DMD: variants seen among roughly 807,000 people sequenced by gnomAD.
DMD encodes dystrophin, also known as mutant dystrophin.
Under a neutral mutation model 330.1 loss-of-function variants are expected in DMD, and 63 were observed. The ratio of observed to expected loss-of-function variants is 0.19; its 90% CI spans 0.16 to 0.24. The LOEUF (loss-of-function observed/expected upper bound fraction) is 0.24. Ranked by LOEUF, DMD falls within the 10% of genes least tolerant of loss-of-function variation. The pLI is 1.00. For synonymous variants in DMD, 1,223 were observed against 959.8 expected (o/e 1.27, Z -5.07); for missense variants, 3,344 against 2,684.1 (o/e 1.25, Z -5.43).
intron 2 of DMD, among the ~76,000 whole-genome samples, chrX:32,871,294 C>G (rs939258645): frequency 9.0e-6 from 1 of 111,203 alleles, no homozygotes; most frequent in African/African-American, 3.3e-5. Context: ...ACAAACTCTC[C>G]TTACTTAGAA....
At chrX:32,985,541 T>C (rs1449021145) in intron 2 of DMD, among the ~76,000 whole-genome samples, 1 of 111,722 alleles carries the variant, frequency 9.0e-6, no homozygotes, top group Non-Finnish European at 1.9e-5. Flanking sequence ...AAAAATCATA[T>C]TTAGAATCCA....
intron 1 of DMD, among the ~76,000 whole-genome samples, chrX:33,267,602 T>G (rs1043164626): frequency 1.8e-5 from 2 of 111,309 alleles, no homozygotes; most frequent in Non-Finnish European, 1.9e-5. Context: ...ACTACAGTAC[T>G]TCACCCTACA....
chrX:31,264,143 A>C (rs2050800317), intron 62 of DMD, among the ~76,000 whole-genome samples: 2 of 112,324 alleles, frequency 1.8e-5, no homozygotes, highest in Non-Finnish European at 3.8e-5. Context: ...CCGATTTTAC[A>C]GCTTCGTTTC....
intron 44 of DMD, among the ~76,000 whole-genome samples, chrX:31,984,439 GTTTT>G (rs775882153): frequency 1.8e-5 from 2 of 112,169 alleles, no homozygotes; most frequent in African/African-American, 6.5e-5. Context: ...CTAATTTTCT[GTTTT>G]CTTTTGATAC....
rs185564865 is a variant in DMD, at chrX:31,824,662, A to G, written c.7201-4579T>C. Among the ~76,000 whole-genome samples the G allele has an allele frequency of 7.5e-3, 841 of 111,695 alleles. 7 individuals carry two copies. Among genetic ancestry groups the G allele is most frequent in the African/African-American group, 0.026 (792 of 30,932 alleles). Reference sequence around the variant, plus strand: ...AATATACTTATAAATAATATATTTTAAAAGGATAAAGCAGGAAAGAAACAG... The same window carrying G: ...AATATACTTATAAATAATATATTTTGAAAGGATAAAGCAGGAAAGAAACAG... On this transcript the variant is annotated intron_variant, in intron 49 of 78. Coordinates refer to ENST00000357033, the MANE Select transcript of DMD (RefSeq NM_004006.3).
intron 1 of DMD, among the ~76,000 whole-genome samples, chrX:33,278,049 G>A (rs1327498642): frequency 9.0e-6 from 1 of 111,041 alleles, no homozygotes; most frequent in Non-Finnish European, 1.9e-5. Context: ...AGGCTGCAGT[G>A]AGCTACAATC....
chrX:32,784,714 A>C (rs1276113471), intron 7 of DMD, among the ~76,000 whole-genome samples: 2 of 111,899 alleles, frequency 1.8e-5, no homozygotes, highest in Admixed American at 9.5e-5. Context: ...GGATTTTGGT[A>C]TATTTAAAAT....
At chrX:32,469,374 G>GA (rs1262450319) in intron 22 of DMD, among the ~76,000 whole-genome samples, 45 of 105,522 alleles carry the variant, frequency 4.3e-4, no homozygotes, top group African/African-American at 1.2e-3. Flanking sequence ...GACAAAAATG[G>GA]AAAAAAAAAC....
chrX:31,663,858 CTCAT>C (rs965847812), intron 53 of DMD, among the ~76,000 whole-genome samples: 3 of 111,854 alleles, frequency 2.7e-5, no homozygotes, highest in African/African-American at 9.8e-5. Context: ...CAGATATTCA[CTCAT>C]TATCTCAACT....
chrX:32,566,013 C>G, intron 15 of DMD, 132 bp from the exon 16 acceptor site: 1 of 566,321 alleles, frequency 1.8e-6, no homozygotes, highest in Non-Finnish European at 2.8e-6. Context: ...CGCAAAGGAT[C>G]AAAAGTTCAG....
chrX:33,185,834 A>C (rs757543379), intron 1 of DMD, among the ~76,000 whole-genome samples: 1 of 112,387 alleles, frequency 8.9e-6, no homozygotes, highest in African/African-American at 3.2e-5. Context: ...ATTAAACATT[A>C]GATAAATGGG....
At chrX:32,546,048 T>C (rs1202821203) in intron 16 of DMD, among the ~76,000 whole-genome samples, 3 of 107,303 alleles carry the variant, frequency 2.8e-5, no homozygotes, top group Non-Finnish European at 5.8e-5. Context: ...GAATCTCAAT[T>C]ACCTCCTGTT....
intron 7 of DMD, among the ~76,000 whole-genome samples, chrX:32,775,648 A>G (rs1480210066): frequency 2.7e-5 from 3 of 113,097 alleles, no homozygotes; most frequent in African/African-American, 9.6e-5. Flanking sequence ...GCCAGGTCCC[A>G]AGGCTGCACA....
chrX:33,246,839 C>T (rs1415570498), intron 1 of DMD, among the ~76,000 whole-genome samples: 1 of 109,960 alleles, frequency 9.1e-6, no homozygotes, highest in East Asian at 2.9e-4. Flanking sequence ...GCGCACACCA[C>T]CACCCCCAGC....
Position 31,355,292 on chromosome X carries a change from C to T in DMD, c.9085-6658G>A, listed in dbSNP as rs188536161. Among the ~76,000 whole-genome samples, 376 of 111,704 alleles carry T rather than the reference C, an allele frequency of 3.4e-3. 3 individuals carry two copies. The highest frequency in any genetic ancestry group is 0.012 in the African/African-American group (365 of 30,787). ...GTTTAGGAGAGACAGGCATTACCTC[C>T]CCATGTGGAAATACACTGCTAGGCA... is the stretch of plus-strand genomic sequence containing the variant. On this transcript the variant is annotated intron_variant, in intron 60 of 78. Coordinates refer to ENST00000357033, the MANE Select transcript of DMD (RefSeq NM_004006.3).
intron 62 of DMD, 52 bp downstream of exon 62, chrX:31,323,546 A>C: frequency 9.9e-7 from 1 of 1,007,099 alleles, no homozygotes; most frequent in Non-Finnish European, 1.4e-6. Flanking sequence ...TTGTGAATAT[A>C]CAGGTTAGTC....
chrX:31,271,831 T>C (rs182590847), intron 62 of DMD, among the ~76,000 whole-genome samples: 50 of 110,514 alleles, frequency 4.5e-4, no homozygotes, highest in African/African-American at 1.4e-3. Context: ...GGTTGGTGTA[T>C]GGTGAATCAT....
At chrX:32,084,218 T>C (rs1279287800) in intron 44 of DMD, among the ~76,000 whole-genome samples, 1 of 111,383 alleles carries the variant, frequency 9.0e-6, no homozygotes, top group Non-Finnish European at 1.9e-5. Context: ...AAAGAGACAA[T>C]ACAGTGAGTG....
At position 31,264,041 on chromosome X, in the gene DMD, A is replaced by G. The variant is rs753443343; in HGVS notation, c.9225-3025T>C. Among the ~76,000 whole-genome samples, 5 of 112,392 alleles carry G rather than the reference A, an allele frequency of 4.4e-5. No individual in the cohort carries two copies. In the East Asian group the frequency reaches 1.4e-3, roughly 31 times the overall value. Reference sequence around the variant, plus strand: ...TCCAAAATAGATAGGAACTATGAATATGGACTGGATGAAACTGTAAGCACA... The same window carrying G: ...TCCAAAATAGATAGGAACTATGAATGTGGACTGGATGAAACTGTAAGCACA... On this transcript the variant is annotated intron_variant, in intron 62 of 78. Transcript: ENST00000357033.
Sources: gnomAD v4.1 joint callset for allele counts (sites outside exome capture counted in the v4.1 genomes callset) on GRCh38, gnomAD v4.1.1 for gene constraint, MANE v1.5 for transcripts, NCBI Gene and HGNC (gene_info 2026-07-23, HGNC 2026-07-21) for gene names.